Variants in INSR observed in about 807,000 individuals in gnomAD.
The protein encoded by INSR is insulin receptor.
Under a neutral mutation model 142.6 loss-of-function variants are expected in INSR, and 67 were observed. The observed-to-expected ratio is 0.47, with a 90% CI of 0.39 to 0.58. The LOEUF is 0.58. INSR is among the 20% of genes least tolerant of loss of function. The pLI, the probability that INSR is intolerant of heterozygous loss-of-function variation, is 0.00. For missense variants in INSR, 1,248 were observed against 1,833.2 expected, an observed-to-expected ratio of 0.68 and a Z score of 5.83; for synonymous variants, 756 against 743.1, an observed-to-expected ratio of 1.02 and a Z score of -0.28.
chr19:7,219,917 A>G (rs1975560283), intron 2 of INSR, among the ~76,000 whole-genome samples: 1 of 7,688 alleles, frequency 1.3e-4, no homozygotes. Flanking sequence ...TTTAGCAAGG[A>G]AAAATCTCTC....
chr19:7,261,675 C>T (rs529683016), intron 2 of INSR, among the ~76,000 whole-genome samples: 127 of 152,140 alleles, frequency 8.3e-4, no homozygotes, highest in African/African-American at 2.9e-3. Context: ...GGATTACAGG[C>T]GCCCACCACC....
intron 20 of INSR, among the ~76,000 whole-genome samples, chr19:7,120,158 C>G (rs1972455500): frequency 6.6e-6 from 1 of 152,220 alleles, no homozygotes. Context: ...ATCAGAAACT[C>G]AAAAGAATGC....
intron 2 of INSR, among the ~76,000 whole-genome samples, chr19:7,222,322 T>C (rs895412384): frequency 6.6e-6 from 1 of 151,760 alleles, no homozygotes. Flanking sequence ...ACTCTGAACC[T>C]GTTTCCTTAC....
intron 2 of INSR, among the ~76,000 whole-genome samples, chr19:7,240,659 G>A (rs957168740): frequency 2.6e-5 from 4 of 152,212 alleles, no homozygotes; most frequent in South Asian, 2.1e-4. Context: ...TTCCTGGCCC[G>A]AAAATCCAAA....
intron 2 of INSR, among the ~76,000 whole-genome samples, chr19:7,193,619 CTATG>C (rs1341547794): frequency 6.6e-6 from 1 of 152,028 alleles, no homozygotes; most frequent in African/African-American, 2.4e-5. Context: ...TTATTTTTTA[CTATG>C]TATGTGTACT....
At position 7,267,961 on chromosome 19, in the gene INSR, A is replaced by G. The variant is rs1435404935; in HGVS notation, c.101-65T>C. ...GACGCACGGTGGATGCATCAGAAGG[A>G]TCAGGGGCAGAGCCGGCTTCATGGA... is the stretch of plus-strand genomic sequence containing the variant. On this transcript the variant is annotated intron_variant, in intron 1 of 21. Transcript: ENST00000302850. The surrounding 1 kb of genome is among the most constrained non-coding windows in gnomAD (Gnocchi z 6.3). 1 of 1,385,494 alleles carries G rather than the reference A, an allele frequency of 7.2e-7. No individual in the cohort carries two copies. The highest frequency in any genetic ancestry group is 1.4e-5 in the African/African-American group (1 of 70,324). The allele number at this position is 1,385,494 out of a possible 1,614,324, so 85.8% of individuals were successfully genotyped here.
intron 2 of INSR, among the ~76,000 whole-genome samples, chr19:7,243,867 A>G (rs75985775): frequency 0.031 from 4,695 of 152,330 alleles, 99 homozygotes; most frequent in Middle Eastern, 0.088. Context: ...ATATTAGGAA[A>G]TCTATTAAAC....
At chr19:7,133,499 A>G (rs1972835342) in intron 13 of INSR, among the ~76,000 whole-genome samples, 1 of 152,202 alleles carries the variant, frequency 6.6e-6, no homozygotes, top group African/African-American at 2.4e-5. Context: ...CCTAGAACGT[A>G]TTCCTCCCAT....
intron 2 of INSR, among the ~76,000 whole-genome samples, chr19:7,206,441 G>A (rs1349365759): frequency 6.6e-6 from 1 of 152,198 alleles, no homozygotes; most frequent in Admixed American, 6.5e-5. Flanking sequence ...CGAGGGGCGG[G>A]CGAGCGATGG....
intron 19 of INSR, 64 bp downstream of exon 19, chr19:7,122,550 A>T: frequency 6.4e-7 from 1 of 1,563,158 alleles, no homozygotes. Context: ...ATTATAGACA[A>T]CTTCCTTCTG....
intron 15 of INSR, among the ~76,000 whole-genome samples, chr19:7,127,806 C>G (rs952731080): frequency 4.6e-5 from 7 of 152,036 alleles, no homozygotes; most frequent in African/African-American, 1.7e-4. Flanking sequence ...TGCAATGGTG[C>G]GATCTCGGCT....
intron 3 of INSR, among the ~76,000 whole-genome samples, 192 bp downstream of exon 3, chr19:7,184,124 A>G (rs1974351149): frequency 6.6e-6 from 1 of 151,418 alleles, no homozygotes; most frequent in Non-Finnish European, 1.5e-5. Context: ...TCCTTTAGAG[A>G]AAAAGGTAGT....
rs1271521029 is a variant in INSR, at chr19:7,192,072, GAA to G, written c.653-7437_653-7436del. The stretch of plus-strand genomic sequence containing the variant: ...AGGGAGGGAGAAAGAAAGAAGGAAA[GAA>G]AGAGAGAAAGAAGAAAGAATACAGA... On this transcript the variant is annotated intron_variant, in intron 2 of 21. Coordinates refer to ENST00000302850, the MANE Select transcript of INSR (RefSeq NM_000208.4). The surrounding 1 kb of genome is among the most constrained non-coding windows in gnomAD (Gnocchi z 4.2). 7.1e-6 allele frequency among the ~76,000 whole-genome samples: 1 copy of G among 141,650 alleles called. No individual in the cohort carries two copies. The highest frequency in any genetic ancestry group is 1.5e-5 in the Non-Finnish European group (1 of 65,298). 92.9% of individuals were successfully genotyped at this position (141,650 alleles called of 152,430 possible).
intron 2 of INSR, among the ~76,000 whole-genome samples, chr19:7,258,280 T>A (rs1976955947): frequency 6.6e-6 from 1 of 151,928 alleles, no homozygotes; most frequent in Non-Finnish European, 1.5e-5. Flanking sequence ...ACTAAAAAAA[T>A]AAAAAGAAAT....
At chr19:7,261,816 G>T (rs1418650784) in intron 2 of INSR, among the ~76,000 whole-genome samples, 2 of 152,042 alleles carry the variant, frequency 1.3e-5, no homozygotes, top group Non-Finnish European at 2.9e-5. Flanking sequence ...CAGGTGTGGG[G>T]CCTCCACACC....
intron 2 of INSR, among the ~76,000 whole-genome samples, chr19:7,188,070 G>A (rs1387482596): frequency 6.6e-6 from 1 of 152,030 alleles, no homozygotes; most frequent in African/African-American, 2.4e-5. Flanking sequence ...TTAGGACCTT[G>A]CACAAGCTGT....
chr19:7,254,475 G>A (rs1210476332), intron 2 of INSR, among the ~76,000 whole-genome samples: 2 of 152,118 alleles, frequency 1.3e-5, no homozygotes, highest in African/African-American at 4.8e-5. Context: ...GCTGCAGTGA[G>A]CTATGATCGC....
chr19:7,228,845 AATGGGTGGGTGG>A (rs1975863488), intron 2 of INSR, among the ~76,000 whole-genome samples: 1 of 152,014 alleles, frequency 6.6e-6, no homozygotes, highest in Non-Finnish European at 1.5e-5. Context: ...TGGGTGGATG[AATGGGTGGGTGG>A]AGGGATGGAT....
In INSR at chr19:7,152,790, G is replaced by C. The variant is rs1973407560; in HGVS notation, c.2167C>G (p.Leu723Val). The stretch of plus-strand genomic sequence containing the variant: ...GTCTTCCTAAACGAGGACTCCTCCA[G>C]CTCCTTCAGGATCTGAGAGTCTGTC... ...PKTDSQILKELEESSFRKTFE... is the reference protein window; with the variant it reads ...PKTDSQILKEVEESSFRKTFE... Residue 723 changes from leucine to valine, a missense_variant, in exon 10 of 22, where the codon CTG becomes GTG. Leu to Val is a conservative substitution (Grantham distance 32). Around this residue, in one of 3 missense-constraint regions of INSR, gnomAD observed 1,069 missense variants for 1,654.0 expected, o/e 0.65. Transcript: ENST00000302850. The C allele has an allele frequency of 6.2e-7, 1 of 1,613,326 alleles. No homozygotes were observed. The highest frequency in any genetic ancestry group is 8.5e-7 in the Non-Finnish European group (1 of 1,179,960).
Sources: allele counts gnomAD v4.1 joint callset (sites outside exome capture counted in the v4.1 genomes callset), GRCh38; gene constraint gnomAD v4.1.1; regional missense constraint gnomAD v4.1.1; non-coding constraint Gnocchi (gnomAD v3.1); transcripts MANE v1.5; gene names NCBI Gene and HGNC (gene_info 2026-07-23, HGNC 2026-07-21).